Variants in FGF18 observed in about 807,000 individuals in gnomAD.
The protein encoded by FGF18 is fibroblast growth factor 18.
In FGF18, 5 loss-of-function variants were observed where a neutral mutation model predicts 23.0. The observed-to-expected ratio is 0.22, with a 90% CI of 0.11 to 0.46. The LOEUF (loss-of-function observed/expected upper bound fraction) is 0.46, where lower values mean the gene tolerates loss of function less well. Ranked by LOEUF, FGF18 falls within the 20% of genes least tolerant of loss-of-function variation. The probability of loss-of-function intolerance (pLI) is 0.99; values close to 1 mark genes in which losing one functional copy is unlikely to be tolerated. For missense variants in FGF18, 180 were observed against 291.6 expected (o/e 0.62, Z 2.79); for synonymous variants, 117 against 118.9 (o/e 0.98, Z 0.10).
chr5:171,433,791 G>A (rs1772211944), intron 2 of FGF18, among the ~76,000 whole-genome samples: 1 of 152,194 alleles, frequency 6.6e-6, no homozygotes, highest in African/African-American at 2.4e-5. Context: ...ATGGTGCAAG[G>A]TTGTCAGGAC....
chr5:171,456,474 G>T lies in FGF18; in HGVS notation c.358-65G>T. 6.5e-7 allele frequency: 1 copy of T among 1,529,240 alleles called. No individual in the cohort carries two copies. Among genetic ancestry groups the T allele is most frequent in the South Asian group, 1.2e-5 (1 of 81,746 alleles). The allele number at this position is 1,529,240 out of a possible 1,614,324, so 94.7% of individuals were successfully genotyped here. A position where few individuals can be genotyped will look rare whatever the true frequency, so the allele number is the denominator to read the frequency against. ...AATGGTCCTGAATAAAACCTTCCTC[G>T]CTGTGCTTTGGCAAGCATAACTGAG... On this transcript the variant is annotated intron_variant, in intron 4 of 4. Coordinates refer to ENST00000274625, the MANE Select transcript of FGF18 (RefSeq NM_003862.3). This position sits in a 1 kb window ranked among gnomAD's most constrained non-coding sequence, Gnocchi z 6.1.
At chr5:171,424,663 T>G (rs968448885) in intron 2 of FGF18, among the ~76,000 whole-genome samples, 1 of 152,020 alleles carries the variant, frequency 6.6e-6, no homozygotes, top group African/African-American at 2.4e-5. Flanking sequence ...TGGATTCTGG[T>G]ATAAGGGGGA....
intron 2 of FGF18, among the ~76,000 whole-genome samples, chr5:171,435,486 A>T (rs1439904679): frequency 1.3e-5 from 2 of 152,120 alleles, no homozygotes; most frequent in East Asian, 3.9e-4. Flanking sequence ...CTCCTAGAGG[A>T]GCTCAGGATG....
At chr5:171,449,396 TGTGTGAGA>T (rs1220386760) in intron 4 of FGF18, 143 bp downstream of exon 4, 58 of 522,404 alleles carry the variant, frequency 1.1e-4, no homozygotes, top group Middle Eastern at 1.1e-3. Flanking sequence ...TGTGTGTGTG[TGTGTGAGA>T]GAGAGAGAGA....
At chr5:171,426,424 A>T (rs1772089933) in intron 2 of FGF18, among the ~76,000 whole-genome samples, 1 of 152,176 alleles carries the variant, frequency 6.6e-6, no homozygotes, top group African/African-American at 2.4e-5. Context: ...ATGGCAGTGC[A>T]TGGAGGGGAG....
chr5:171,433,021 C>T (rs1226419931), intron 2 of FGF18, among the ~76,000 whole-genome samples: 1 of 152,184 alleles, frequency 6.6e-6, no homozygotes, highest in East Asian at 1.9e-4. Flanking sequence ...TAGGACGTGT[C>T]ACACCCTCCA....
At position 171,456,511 on chromosome 5, in the gene FGF18, T is replaced by C; in HGVS notation, c.358-28T>C. ...CAAGCATAACTGAGTCATTTTTTTCTTGAACACTCCCCCTCTCTCCCCTGC... is the reference window on the plus strand; with the variant it reads ...CAAGCATAACTGAGTCATTTTTTTCCTGAACACTCCCCCTCTCTCCCCTGC... On this transcript the variant is annotated intron_variant, in intron 4 of 4. Transcript: ENST00000274625. This position sits in a 1 kb window ranked among gnomAD's most constrained non-coding sequence, Gnocchi z 6.1. The C allele has an allele frequency of 6.3e-7, 1 of 1,598,754 alleles. No homozygotes were observed. Among genetic ancestry groups the C allele is most frequent in the Non-Finnish European group, 8.5e-7 (1 of 1,170,662 alleles).
At chr5:171,444,375 C>A (rs938462690) in intron 3 of FGF18, among the ~76,000 whole-genome samples, 1 of 152,144 alleles carries the variant, frequency 6.6e-6, no homozygotes, top group Non-Finnish European at 1.5e-5. Context: ...GGTTTTCTCA[C>A]CTGTAAATTG....
chr5:171,437,601 C>CCACAGCTT lies in FGF18; in HGVS notation c.250+1330_250+1337dup, dbSNP rs368061522. 2.7e-3 allele frequency among the ~76,000 whole-genome samples: 411 copies of CCACAGCTT among 152,334 alleles called. 1 individual carries two copies. Among genetic ancestry groups the CCACAGCTT allele is most frequent in the African/African-American group, 9.3e-3 (385 of 41,590 alleles). ...ACCAGCTCTGTCTCCCTCCTTCGGA[C>CCACAGCTT]CACAGCTTCCCTCCTCCCCACCTCT... On this transcript the variant is annotated intron_variant, in intron 3 of 4. Coordinates refer to ENST00000274625, the MANE Select transcript of FGF18 (RefSeq NM_003862.3).
chr5:171,454,895 G>A (rs1772560351), intron 4 of FGF18, among the ~76,000 whole-genome samples: 1 of 152,224 alleles, frequency 6.6e-6, no homozygotes, highest in Non-Finnish European at 1.5e-5. Context: ...CTGTCTCAGA[G>A]AGGAGACTAA....
chr5:171,450,836 C>T (rs955680505), intron 4 of FGF18, among the ~76,000 whole-genome samples: 4 of 151,962 alleles, frequency 2.6e-5, no homozygotes, highest in Non-Finnish European at 5.9e-5. Context: ...CCGCGTCAGG[C>T]GCTTTGTTCT....
intron 3 of FGF18, among the ~76,000 whole-genome samples, chr5:171,445,384 AG>A (rs1220292727): frequency 2.0e-5 from 3 of 152,148 alleles, no homozygotes; most frequent in Non-Finnish European, 4.4e-5. Context: ...TTTGAGATGG[AG>A]TCTCACTCTT....
chr5:171,452,771 C>G (rs528937564), intron 4 of FGF18, among the ~76,000 whole-genome samples: 1 of 152,174 alleles, frequency 6.6e-6, no homozygotes, highest in Admixed American at 6.5e-5. Flanking sequence ...GTGCTCTGCC[C>G]ACCAGCACAT....
rs181200149 is a variant in FGF18 at position 171,432,204 on chromosome 5, C to T, written c.70-3889C>T. ...AAGATAGGCCCCCCTTGCAGGGCAC[C>T]GAGCCAAGTGACCTGCCACGCAGCT... On this transcript the variant is annotated intron_variant, in intron 2 of 4. Coordinates refer to ENST00000274625, the MANE Select transcript of FGF18 (RefSeq NM_003862.3). Among the ~76,000 whole-genome samples the T allele has an allele frequency of 2.3e-3, 350 of 152,174 alleles. 1 individual carries two copies. The highest frequency in any genetic ancestry group is 4.7e-3 in the Admixed American group (72 of 15,284).
At chr5:171,453,133 G>A (rs539817105) in intron 4 of FGF18, among the ~76,000 whole-genome samples, 4 of 152,284 alleles carry the variant, frequency 2.6e-5, no homozygotes, top group Admixed American at 6.5e-5. Flanking sequence ...CAGAGTTTCC[G>A]GGGGTCGGGC....
chr5:171,423,061 T>C (rs1772040262), intron 2 of FGF18, among the ~76,000 whole-genome samples: 2 of 152,192 alleles, frequency 1.3e-5, no homozygotes, highest in African/African-American at 2.4e-5. Flanking sequence ...GGTCCAGTCT[T>C]AGCGGTGGAG....
chr5:171,427,675 T>C (rs899253946), intron 2 of FGF18, among the ~76,000 whole-genome samples: 5 of 152,218 alleles, frequency 3.3e-5, no homozygotes, highest in African/African-American at 4.8e-5. Context: ...CACAAACATT[T>C]ATGGGACGCT....
At chr5:171,432,533 T>C (rs528527286) in intron 2 of FGF18, among the ~76,000 whole-genome samples, 1 of 152,238 alleles carries the variant, frequency 6.6e-6, no homozygotes, top group Non-Finnish European at 1.5e-5. Context: ...CTCAGCCTCC[T>C]GAGTAGCTGG....
chr5:171,444,805 C>T (rs1260350045), intron 3 of FGF18, among the ~76,000 whole-genome samples: 2 of 152,198 alleles, frequency 1.3e-5, no homozygotes, highest in Non-Finnish European at 2.9e-5. Context: ...TTAGTCATCT[C>T]CACACCACAA....
Sources: allele counts gnomAD v4.1 joint callset (sites outside exome capture counted in the v4.1 genomes callset), GRCh38; gene constraint gnomAD v4.1.1; non-coding constraint Gnocchi (gnomAD v3.1); transcripts MANE v1.5; gene names NCBI Gene and HGNC (gene_info 2026-07-23, HGNC 2026-07-21).